PTMA: variants seen among roughly 807,000 people sequenced by gnomAD.
PTMA encodes gene sequence 28.
Under a neutral mutation model 16.9 loss-of-function variants are expected in PTMA, and 4 were observed. The ratio of observed to expected loss-of-function variants is 0.24; its 90% CI spans 0.12 to 0.54. PTMA has a LOEUF of 0.54. PTMA is among the 20% of genes least tolerant of loss of function. PTMA has a pLI of 0.95. For synonymous variants in PTMA, 58 were observed against 47.9 expected (o/e 1.21, Z -0.87); for missense variants, 120 against 137.7 (o/e 0.87, Z 0.64).
chr2:231,710,904 G>A (rs911155000), intron 1 of PTMA, among the ~76,000 whole-genome samples: 4 of 152,200 alleles, frequency 2.6e-5, no homozygotes, highest in Non-Finnish European at 5.9e-5. Context: ...CCGAGCGCAG[G>A]CCCCTCTCTC....
chr2:231,711,873 T>C lies in PTMA; in HGVS notation c.118-17T>C. The C allele has an allele frequency of 6.2e-7, 1 of 1,612,262 alleles. No individual in the cohort carries two copies. The highest frequency in any genetic ancestry group is 8.5e-7 in the Non-Finnish European group (1 of 1,179,674). ...GGGGCCAGCTGGTAATGACATGGCCTGTTTTCTGTCGAGGAGAATGAGGAA... is the reference window on the plus strand; with the variant it reads ...GGGGCCAGCTGGTAATGACATGGCCCGTTTTCTGTCGAGGAGAATGAGGAA... On this transcript the variant is annotated splice_polypyrimidine_tract_variant and intron_variant, in intron 2 of 4. Transcript: ENST00000409115.
chr2:231,712,540 G>C (rs779681700), intron 4 of PTMA, 24 bp downstream of exon 4: 13 of 1,612,750 alleles, frequency 8.1e-6, no homozygotes, highest in Non-Finnish European at 1.0e-5. Flanking sequence ...TGAGAAGAAG[G>C]GGGGTTTGGC....
chr2:231,711,602 A>C (rs1369047694), intron 2 of PTMA, 183 bp downstream of exon 2: 1 of 738,748 alleles, frequency 1.4e-6, no homozygotes, highest in East Asian at 2.7e-5. Context: ...ATTTATAAAA[A>C]CCTTTCGAGC....
At chr2:231,708,854 C>CT in intron 1 of PTMA, 103 bp downstream of exon 1, 1 of 1,380,570 alleles carries the variant, frequency 7.2e-7, no homozygotes, top group Non-Finnish European at 9.8e-7. Flanking sequence ...GTTGCTCCCT[C>CT]TCGCGGGGAA....
At chr2:231,712,071 G>A (rs2048524964) in intron 3 of PTMA, 88 bp downstream of exon 3, 1 of 1,542,210 alleles carries the variant, frequency 6.5e-7, no homozygotes, top group South Asian at 1.2e-5. Context: ...GGGGCTCCTG[G>A]GAGTGGGACA....
In PTMA at chr2:231,712,796, C is replaced by T. The variant is rs779733063; in HGVS notation, c.286-8C>T. 1.8e-5 allele frequency: 28 copies of T among 1,593,890 alleles called. No individual in the cohort carries two copies. The Admixed American group carries it at 1.8e-4, about 10-fold the overall frequency. ...TGGAGGGGCCTTTGACAGTCTTTCT[C>T]TGCTTAGGATGACGATGTCGATACC... is the stretch of plus-strand genomic sequence containing the variant. On this transcript the variant is annotated splice_polypyrimidine_tract_variant and splice_region_variant and intron_variant, in intron 4 of 4. Transcript: ENST00000409115.
intron 1 of PTMA, among the ~76,000 whole-genome samples, chr2:231,709,201 C>T (rs900398323): frequency 3.9e-5 from 6 of 152,300 alleles, no homozygotes; most frequent in African/African-American, 1.4e-4. Context: ...GAGCGCCCGC[C>T]GGCCGCGCTG....
intron 1 of PTMA, among the ~76,000 whole-genome samples, chr2:231,708,997 A>C: frequency 6.6e-6 from 1 of 152,138 alleles, no homozygotes; most frequent in East Asian, 1.9e-4. Context: ...GCCGAGGGCT[A>C]GGCGCGGAGG....
rs761433880 is a variant in PTMA at position 231,711,460 on chromosome 2, C to T, written c.117+41C>T. The stretch of plus-strand genomic sequence containing the variant: ...GCTCCTGAGCCCTGGCAGCTACCGC[C>T]CCACAAAATTTTTCCTGTTCTACTT... On this transcript the variant is annotated intron_variant, in intron 2 of 4. Transcript: ENST00000409115. 8.8e-6 allele frequency: 14 copies of T among 1,592,424 alleles called. No individual in the cohort carries two copies. The South Asian group carries it at 1.4e-4, about 16-fold the overall frequency.
chr2:231,711,853 CA>C, intron 2 of PTMA, 36 bp from the exon 3 acceptor site: 1 of 1,610,274 alleles, frequency 6.2e-7, no homozygotes, highest in Non-Finnish European at 8.5e-7. Flanking sequence ...AGCCTGGGGC[CA>C]GCTGGTAATG....
intron 1 of PTMA, chr2:231,710,774 C>G (rs942528536): frequency 3.0e-6 from 1 of 328,808 alleles, no homozygotes; most frequent in Admixed American, 4.6e-5. Flanking sequence ...GGTTTGCGGC[C>G]TCTAGGAACA....
chr2:231,713,334 G>A lies in PTMA; in HGVS notation c.*483G>A. ...AAACAATCTTATTCCGAGCATTCCA[G>A]TAACTTTTTTGTGTATGTACTTAGC... On this transcript the variant is annotated 3_prime_UTR_variant, in exon 5 of 5. Transcript: ENST00000409115. The A allele has an allele frequency of 2.0e-6, 1 of 509,284 alleles. No individual in the cohort carries two copies. Among genetic ancestry groups the A allele is most frequent in the South Asian group, 1.5e-5 (1 of 66,472 alleles). 31.5% of individuals were successfully genotyped at this position (509,284 alleles called of 1,614,324 possible). A position where few individuals can be genotyped will look rare whatever the true frequency, so the allele number is the denominator to read the frequency against.
At chr2:231,712,682 C>T in intron 4 of PTMA, 122 bp from the exon 5 acceptor site, 1 of 1,369,586 alleles carries the variant, frequency 7.3e-7, no homozygotes, top group East Asian at 2.5e-5. Context: ...CTCAACTTCC[C>T]AGAGGCCTTG....
chr2:231,711,681 G>C, intron 2 of PTMA: 2 of 969,478 alleles, frequency 2.1e-6, no homozygotes, highest in East Asian at 2.7e-5. Context: ...CCAGGGTGGG[G>C]AAAAGCCCTT....
intron 1 of PTMA, chr2:231,709,972 C>T (rs976448263): frequency 4.3e-6 from 4 of 933,568 alleles, no homozygotes; most frequent in Non-Finnish European, 4.2e-6. Flanking sequence ...TCAGTGACCC[C>T]TTCTGGACTC....
intron 1 of PTMA, chr2:231,710,811 C>T (rs866884953): frequency 5.5e-5 from 17 of 310,178 alleles, no homozygotes; most frequent in African/African-American, 3.8e-4. Flanking sequence ...GGTCGGTGTG[C>T]TTTGGCTTTT....
rs758905456 is a variant in PTMA, at chr2:231,712,486, T to C, written c.255T>C (p.Ala85=). The C allele has an allele frequency of 1.2e-6, 2 of 1,614,196 alleles. No individual in the cohort carries two copies. Among genetic ancestry groups the C allele is most frequent in the East Asian group, 4.5e-5 (2 of 44,882 alleles). Residue 85 remains alanine (A), a synonymous_variant, in exon 4 of 5, where the codon GCT becomes GCC. Transcript: ENST00000409115. ...DGDEDEEAES[A]TGKRAAEDDE... is the part of the protein sequence containing the mutation. ...ATGAAGATGAGGAAGCTGAGTCAGC[T>C]ACGGGCAAGCGGGCAGCTGAAGATG...
At chr2:231,710,611 GA>G in intron 1 of PTMA, 4 of 485,686 alleles carry the variant, frequency 8.2e-6, no homozygotes, top group Admixed American at 2.4e-5. Flanking sequence ...GTGTCGTGTG[GA>G]AAAAGTTACC....
At chr2:231,709,373 T>G (rs2048486027) in intron 1 of PTMA, among the ~76,000 whole-genome samples, 1 of 150,972 alleles carries the variant, frequency 6.6e-6, no homozygotes, top group Admixed American at 6.6e-5. Flanking sequence ...TTGGGCGCTC[T>G]GGGAGGCGGG....
Sources: allele counts gnomAD v4.1 joint callset (sites outside exome capture counted in the v4.1 genomes callset), GRCh38; gene constraint gnomAD v4.1.1; transcripts MANE v1.5; gene names NCBI Gene and HGNC (gene_info 2026-07-23, HGNC 2026-07-21).